The following LRIG3 variants were observed in gnomAD, a reference collection of about 807,000 sequenced individuals.
LRIG3 encodes leucine rich repeats and immunoglobulin like domains 3.
LRIG3 carries 76 observed loss-of-function variants against 114.5 expected under a neutral mutation model. That is an observed-to-expected ratio of 0.66 (90% CI 0.55 to 0.80). The LOEUF (loss-of-function observed/expected upper bound fraction) is 0.80. Ranked by LOEUF, LRIG3 falls within the 30% of genes least tolerant of loss-of-function variation. The pLI, the probability that LRIG3 is intolerant of heterozygous loss-of-function variation, is 0.00. For missense variants in LRIG3, 1,239 were observed against 1,382.8 expected (o/e 0.90, Z 1.65); for synonymous variants, 512 against 519.8 (o/e 0.98, Z 0.20).
In LRIG3 at chr12:58,882,818, A is replaced by AG. The variant is rs138169575; in HGVS notation, c.1480+50dup. The AG allele has an allele frequency of 2.1e-3, 3,181 of 1,519,320 alleles. 45 individuals are homozygous for AG. In the African/African-American group the frequency reaches 0.036, roughly 17 times the overall value. The allele number at this position is 1,519,320 out of a possible 1,614,324, so 94.1% of individuals were successfully genotyped here. A position where few individuals can be genotyped will look rare whatever the true frequency, so the allele number is the denominator to read the frequency against. ...CAAAACCATTATTTGGATAAATGGG[A>AG]GGGGGAAAAAAGAAGAATAAATAAA... is the stretch of plus-strand genomic sequence containing the variant. On this transcript the variant is annotated intron_variant, in intron 12 of 18. Coordinates refer to ENST00000320743, the MANE Select transcript of LRIG3 (RefSeq NM_153377.5).
intron 3 of LRIG3, among the ~76,000 whole-genome samples, chr12:58,905,093 C>T (rs1298293524): frequency 6.6e-6 from 1 of 152,118 alleles, no homozygotes; most frequent in Non-Finnish European, 1.5e-5. Flanking sequence ...TGAGGAGTGA[C>T]TCCAGAGACT....
chr12:58,902,288 G>A (rs1871882076), intron 3 of LRIG3, among the ~76,000 whole-genome samples: 1 of 151,934 alleles, frequency 6.6e-6, no homozygotes, highest in African/African-American at 2.4e-5. Context: ...TAAAAAAAAT[G>A]CTCATTTTGA....
chr12:58,875,364 C>A (rs1344137598), intron 16 of LRIG3, among the ~76,000 whole-genome samples: 1 of 152,210 alleles, frequency 6.6e-6, no homozygotes, highest in Admixed American at 6.5e-5. Context: ...GATCCTGTAA[C>A]TCTACGCTCT....
At chr12:58,874,616 G>A in intron 16 of LRIG3, 43 bp from the exon 17 acceptor site, 1 of 1,608,416 alleles carries the variant, frequency 6.2e-7, no homozygotes, top group Non-Finnish European at 8.5e-7. Context: ...TTATTCAAGT[G>A]CCATTCAACA....
rs1338197798 is a variant in LRIG3, at chr12:58,880,688, A to G, written c.1694T>C (p.Ile565Thr). 1 of 1,614,192 alleles carries G rather than the reference A, an allele frequency of 6.2e-7. No individual in the cohort carries two copies. The highest frequency in any genetic ancestry group is 8.5e-7 in the Non-Finnish European group (1 of 1,180,032). ...QGGEVMEYTT[I>T]LRLREVEFAS... ...AAATTCCACCTCGCGCAGCCGAAGG[A>G]TGGTGGTATACTCCATCACCTCGCC... The change falls in exon 13 of 19, where the codon ATC becomes ACC. Residue 565 changes from isoleucine (I) to threonine (T), a missense_variant. Coordinates refer to ENST00000320743, the MANE Select transcript of LRIG3 (RefSeq NM_153377.5).
chr12:58,920,343 C>T lies in LRIG3; in HGVS notation c.-108G>A. 1.3e-6 allele frequency: 1 copy of T among 766,514 alleles called. No homozygotes were observed. The highest frequency in any genetic ancestry group is 1.8e-5 in the African/African-American group (1 of 54,658). 47.5% of individuals were successfully genotyped at this position (766,514 alleles called of 1,614,324 possible). A position where few individuals can be genotyped will look rare whatever the true frequency, so the allele number is the denominator to read the frequency against. On this transcript the variant is annotated 5_prime_UTR_variant, in exon 1 of 19. Transcript: ENST00000320743. ...GCACGCCCGCCCTCGCGGTCGCGTGCGCGCTCCTCCCTCGCGCTGCCCGGT... is the reference window on the plus strand; with the variant it reads ...GCACGCCCGCCCTCGCGGTCGCGTGTGCGCTCCTCCCTCGCGCTGCCCGGT...
In LRIG3 at chr12:58,877,670, C is replaced by A; in HGVS notation, c.2266G>T (p.Asp756Tyr). 12 of 1,614,162 alleles carry A rather than the reference C, an allele frequency of 7.4e-6. No homozygotes were observed. Among genetic ancestry groups the A allele is most frequent in the Non-Finnish European group, 1.0e-5 (12 of 1,180,046 alleles). ...TTCCCAGCATCACTGACATCTGAGTCCACAATAATCAGAAGCTGATTGCCT... is the reference window on the plus strand; with the variant it reads ...TTCCCAGCATCACTGACATCTGAGTACACAATAATCAGAAGCTGATTGCCT... ...AAGNQLLIIVDSDVSDAGKYT... is the reference protein window; with the variant it reads ...AAGNQLLIIVYSDVSDAGKYT... Residue 756 changes from aspartate (D) to tyrosine (Y), a missense_variant, in exon 15 of 19, where the codon GAC becomes TAC. Coordinates refer to ENST00000320743, the MANE Select transcript of LRIG3 (RefSeq NM_153377.5).
At chr12:58,876,703 A>C in intron 15 of LRIG3, 100 bp from the exon 16 acceptor site, 1 of 1,236,050 alleles carries the variant, frequency 8.1e-7, no homozygotes, top group East Asian at 2.4e-5. Context: ...TTCTGTATAC[A>C]TCAAATTAGG....
At chr12:58,893,961 T>C (rs1234096232) in intron 3 of LRIG3, among the ~76,000 whole-genome samples, 1 of 151,856 alleles carries the variant, frequency 6.6e-6, no homozygotes, top group Non-Finnish European at 1.5e-5. Flanking sequence ...ACAAAGCAAA[T>C]TAGTTGGGGG....
chr12:58,883,438 G>C (rs1592296490), intron 11 of LRIG3, 82 bp downstream of exon 11: 1 of 959,694 alleles, frequency 1.0e-6, no homozygotes, highest in East Asian at 2.6e-5. Flanking sequence ...ACTTTTTATA[G>C]ATACATAATC....
chr12:58,876,051 C>CAAATAAATAAAAAT (rs1403379083), intron 16 of LRIG3, among the ~76,000 whole-genome samples: 1 of 151,994 alleles, frequency 6.6e-6, no homozygotes, highest in Non-Finnish European at 1.5e-5. Context: ...GACTTCGTCT[C>CAAATAAATAAAAAT]AAATAAATAA....
intron 8 of LRIG3, 41 bp downstream of exon 8, chr12:58,887,748 C>A (rs542636971): frequency 1.9e-6 from 3 of 1,597,892 alleles, no homozygotes; most frequent in South Asian, 2.2e-5. Context: ...TATTTAGGAA[C>A]CAATTACGTT....
chr12:58,914,091 C>A (rs751227701), intron 2 of LRIG3, 35 bp from the exon 3 acceptor site: 8 of 1,578,514 alleles, frequency 5.1e-6, no homozygotes, highest in Middle Eastern at 3.4e-4. Flanking sequence ...AAAAGAAAAG[C>A]TGATTAGGTA....
At chr12:58,887,642 G>T (rs2120906022) in intron 8 of LRIG3, 147 bp downstream of exon 8, 1 of 796,272 alleles carries the variant, frequency 1.3e-6, no homozygotes, top group Non-Finnish European at 2.0e-6. Flanking sequence ...TGGATCCATT[G>T]TAATCAAACT....
intron 7 of LRIG3, 105 bp downstream of exon 7, chr12:58,888,224 T>C (rs928815638): frequency 5.8e-6 from 8 of 1,385,170 alleles, no homozygotes; most frequent in Non-Finnish European, 7.8e-6. Flanking sequence ...AGCTGTCACC[T>C]TGGAAACTTT....
At chr12:58,899,019 C>T (rs1227263872) in intron 3 of LRIG3, among the ~76,000 whole-genome samples, 3 of 152,232 alleles carry the variant, frequency 2.0e-5, no homozygotes, top group Non-Finnish European at 4.4e-5. Flanking sequence ...AGAGGCCATT[C>T]TGACTCTCTG....
At position 58,879,058 on chromosome 12, in the gene LRIG3, C is replaced by T. The variant is rs777608875; in HGVS notation, c.1849G>A (p.Gly617Arg). Reference sequence around the variant, plus strand: ...GCACACTCCAAGCGTGCCATGGCCCCAGCTCGGATGGTGAGATCCATGGGG... The same window carrying T: ...GCACACTCCAAGCGTGCCATGGCCCTAGCTCGGATGGTGAGATCCATGGGG... ...KTPMDLTIRAGAMARLECAAV... is the reference protein window; with the variant it reads ...KTPMDLTIRARAMARLECAAV... The change falls in exon 14 of 19, where the codon GGG (glycine) becomes AGG (arginine). Residue 617 changes from glycine (G) to arginine (R), a missense_variant. By Grantham distance (125) the Gly-to-Arg change is moderately radical. Coordinates refer to ENST00000320743, the MANE Select transcript of LRIG3 (RefSeq NM_153377.5). 1.7e-5 allele frequency: 28 copies of T among 1,613,952 alleles called. No individual in the cohort carries two copies. Among genetic ancestry groups the T allele is most frequent in the Non-Finnish European group, 2.1e-5 (25 of 1,179,968 alleles).
chr12:58,906,065 C>G (rs1017506533), intron 3 of LRIG3, among the ~76,000 whole-genome samples: 2 of 151,980 alleles, frequency 1.3e-5, no homozygotes, highest in Non-Finnish European at 2.9e-5. Context: ...ATAAATTTGG[C>G]AGTAAAGATG....
rs777155305 is a variant in LRIG3 at position 58,882,922 on chromosome 12, T to A, written c.1427A>T (p.Gln476Leu). 9.3e-6 allele frequency: 15 copies of A among 1,614,194 alleles called. No homozygotes were observed. The highest frequency in any genetic ancestry group is 2.2e-5 in the East Asian group (1 of 44,878). ...SFVNASCAHP[Q>L]LLKGRSIFAV... is the part of the protein sequence containing the mutation. ...AAAAATGCTTCTTCCTTTTAGCAGC[T>A]GAGGATGGGCACAACTGGCATTTAC... The change falls in exon 12 of 19, where the codon CAG (glutamine) becomes CTG (leucine). Residue 476 changes from glutamine to leucine, a missense_variant. Gln to Leu is a moderately radical substitution (Grantham distance 113, BLOSUM62 -2). Coordinates refer to ENST00000320743, the MANE Select transcript of LRIG3 (RefSeq NM_153377.5).
Sources: allele counts gnomAD v4.1 joint callset (sites outside exome capture counted in the v4.1 genomes callset), GRCh38; gene constraint gnomAD v4.1.1; transcripts MANE v1.5; gene names NCBI Gene and HGNC (gene_info 2026-07-23, HGNC 2026-07-21).